Variants in SGCZ observed in about 807,000 individuals in gnomAD.
SGCZ encodes sarcoglycan zeta.
Under a neutral mutation model 41.3 loss-of-function variants are expected in SGCZ, and 40 were observed. The observed-to-expected ratio is 0.97, with a 90% CI of 0.75 to 1.26. The LOEUF is 1.26. Ranked by LOEUF, SGCZ falls within the 50% of genes most tolerant of loss-of-function variation. The probability of loss-of-function intolerance (pLI) is 0.00; values close to 1 mark genes in which losing one functional copy is unlikely to be tolerated. For missense variants in SGCZ, 552 were observed against 369.8 expected (o/e 1.49, Z -4.04); for synonymous variants, 206 against 137.5 (o/e 1.50, Z -3.49).
intron 5 of SGCZ, among the ~76,000 whole-genome samples, chr8:14,138,653 T>C (rs1375113183): frequency 1.3e-5 from 2 of 152,108 alleles, no homozygotes; most frequent in Non-Finnish European, 2.9e-5. Context: ...ATCCTAAATA[T>C]ATATGCACCC....
At chr8:14,813,162 A>T (rs191711546) in intron 1 of SGCZ, among the ~76,000 whole-genome samples, 2 of 152,242 alleles carry the variant, frequency 1.3e-5, no homozygotes, top group African/African-American at 2.4e-5. Context: ...AAGAGTTCAA[A>T]AACGATGAAG....
chr8:14,629,763 C>A (rs893091521), intron 1 of SGCZ, among the ~76,000 whole-genome samples: 3 of 151,920 alleles, frequency 2.0e-5, no homozygotes, highest in African/African-American at 7.3e-5. Flanking sequence ...GGTTTATGAG[C>A]GTAACAATCT....
chr8:15,236,176 C>G (rs987858852), intron 1 of SGCZ, among the ~76,000 whole-genome samples: 1 of 152,210 alleles, frequency 6.6e-6, no homozygotes, highest in Non-Finnish European at 1.5e-5. Context: ...TGTCCTCCCT[C>G]CGTCCTGGAC....
intron 1 of SGCZ, among the ~76,000 whole-genome samples, chr8:14,904,210 A>C (rs1799057616): frequency 6.6e-6 from 1 of 152,058 alleles, no homozygotes; most frequent in Admixed American, 6.6e-5. Flanking sequence ...GCTTTCTCTG[A>C]AAATTCTTCC....
intron 5 of SGCZ, among the ~76,000 whole-genome samples, chr8:14,114,968 G>T (rs972312042): frequency 1.3e-4 from 19 of 151,880 alleles, no homozygotes; most frequent in Admixed American, 2.0e-4. Context: ...TTTCCAAATT[G>T]AATGAATATG....
chr8:14,677,194 C>A (rs1192582283), intron 1 of SGCZ, among the ~76,000 whole-genome samples: 1 of 151,870 alleles, frequency 6.6e-6, no homozygotes, highest in Non-Finnish European at 1.5e-5. Flanking sequence ...GAAATTAAAA[C>A]ACAGCATCAT....
At chr8:14,839,326 T>A (rs1308352627) in intron 1 of SGCZ, among the ~76,000 whole-genome samples, 1 of 152,142 alleles carries the variant, frequency 6.6e-6, no homozygotes, top group Non-Finnish European at 1.5e-5. Flanking sequence ...TTTACTGAGA[T>A]GATGCACGCT....
chr8:14,459,087 C>T (rs1309852706), intron 2 of SGCZ, among the ~76,000 whole-genome samples: 1 of 152,114 alleles, frequency 6.6e-6, no homozygotes, highest in Non-Finnish European at 1.5e-5. Flanking sequence ...TTGGTTATAA[C>T]TTGCATAAAT....
At chr8:14,636,548 G>C (rs143837628) in intron 1 of SGCZ, among the ~76,000 whole-genome samples, 218 of 151,984 alleles carry the variant, frequency 1.4e-3, no homozygotes, top group African/African-American at 5.1e-3. Flanking sequence ...TTTTTGCTTA[G>C]ATGAATAGGC....
intron 1 of SGCZ, among the ~76,000 whole-genome samples, chr8:14,742,284 C>G (rs1799217134): frequency 1.3e-5 from 2 of 152,018 alleles, no homozygotes; most frequent in African/African-American, 4.8e-5. Flanking sequence ...AATTAAAATA[C>G]ATAAGCACTT....
chr8:15,100,843 G>T (rs527995320), intron 1 of SGCZ, among the ~76,000 whole-genome samples: 1 of 152,200 alleles, frequency 6.6e-6, no homozygotes, highest in African/African-American at 2.4e-5. Flanking sequence ...AAAAAAATTA[G>T]TTGGGCATGG....
intron 1 of SGCZ, among the ~76,000 whole-genome samples, chr8:14,995,978 A>G (rs1802203370): frequency 6.6e-6 from 1 of 151,584 alleles, no homozygotes; most frequent in Non-Finnish European, 1.5e-5. Flanking sequence ...ATCTCGCCTC[A>G]CTGCAACCTC....
chr8:14,544,067 G>A (rs1297334445), intron 2 of SGCZ, among the ~76,000 whole-genome samples: 2 of 152,082 alleles, frequency 1.3e-5, no homozygotes, highest in African/African-American at 4.8e-5. Flanking sequence ...TGATTTCCCA[G>A]AAATATTAAA....
chr8:14,995,830 A>G (rs1209162285), intron 1 of SGCZ, among the ~76,000 whole-genome samples: 1 of 152,206 alleles, frequency 6.6e-6, no homozygotes, highest in East Asian at 1.9e-4. Flanking sequence ...AAATATTTCT[A>G]GACTATCAGA....
chr8:14,181,717 A>G (rs904123798), intron 4 of SGCZ, among the ~76,000 whole-genome samples: 1 of 152,156 alleles, frequency 6.6e-6, no homozygotes, highest in Non-Finnish European at 1.5e-5. Context: ...CTGCTATGTA[A>G]TACATCCCTT....
chr8:14,551,464 T>TTATATATAATATATATAA (rs1803812936), intron 2 of SGCZ, among the ~76,000 whole-genome samples: 1 of 7,386 alleles, frequency 1.4e-4, no homozygotes, highest in Non-Finnish European at 2.5e-4. Context: ...ATTATATATA[T>TTATATATAATATATATAA]TATATATATT....
At chr8:14,596,051 A>C (rs1805402728) in intron 1 of SGCZ, among the ~76,000 whole-genome samples, 1 of 152,208 alleles carries the variant, frequency 6.6e-6, no homozygotes, top group East Asian at 1.9e-4. Context: ...AGAGGAATAA[A>C]ACCTGCCACC....
At chr8:15,193,243 C>G (rs13251047) in intron 1 of SGCZ, among the ~76,000 whole-genome samples, 53,408 of 151,948 alleles carry the variant, frequency 0.35, 12,293 homozygotes, top group Non-Finnish European at 0.48. Flanking sequence ...TGGTAGAAGA[C>G]TATAATTATC....
At chr8:14,191,892 C>T (rs568865562) in intron 4 of SGCZ, among the ~76,000 whole-genome samples, 1 of 151,894 alleles carries the variant, frequency 6.6e-6, no homozygotes, top group Non-Finnish European at 1.5e-5. Context: ...TCAACCTAGT[C>T]ATAATACTGA....
Sources: allele counts gnomAD v4.1 joint callset (sites outside exome capture counted in the v4.1 genomes callset), GRCh38; gene constraint gnomAD v4.1.1; transcripts MANE v1.5; gene names NCBI Gene and HGNC (gene_info 2026-07-23, HGNC 2026-07-21).